MTO1: variants seen among roughly 807,000 people sequenced by gnomAD.
The protein encoded by MTO1 is 5-taurinomethyluridine-[tRNA] synthase subunit MTO1, mitochondrial.
Under a neutral mutation model 71.6 loss-of-function variants are expected in MTO1, and 46 were observed. The ratio of observed to expected loss-of-function variants is 0.64; its 90% CI spans 0.51 to 0.82. The LOEUF (loss-of-function observed/expected upper bound fraction) is 0.82, where lower values mean the gene tolerates loss of function less well. Ranked by LOEUF, MTO1 falls within the 40% of genes least tolerant of loss-of-function variation. The pLI is 0.00. For missense variants in MTO1, 773 were observed against 867.5 expected (o/e 0.89, Z 1.37); for synonymous variants, 297 against 312.1 (o/e 0.95, Z 0.51).
chr6:73,465,994 A>C (rs920721411), intron 1 of MTO1, among the ~76,000 whole-genome samples: 4 of 152,116 alleles, frequency 2.6e-5, no homozygotes, highest in Admixed American at 2.0e-4. Context: ...AAAAAAAACA[A>C]AAGGAAGTTC....
intron 7 of MTO1, chr6:73,481,061 T>C: frequency 4.6e-6 from 2 of 431,076 alleles, no homozygotes; most frequent in East Asian, 6.0e-5. Flanking sequence ...CAAGCGATCC[T>C]CCTGCCTCAG....
At chr6:73,469,818 C>T (rs1771097844) in intron 3 of MTO1, among the ~76,000 whole-genome samples, 1 of 152,016 alleles carries the variant, frequency 6.6e-6, no homozygotes, top group Admixed American at 6.6e-5. Flanking sequence ...CCAGCCTGAC[C>T]AACATGGAGA....
intron 4 of MTO1, among the ~76,000 whole-genome samples, chr6:73,477,393 C>CAA (rs34672070): frequency 3.7e-4 from 27 of 73,140 alleles, no homozygotes; most frequent in Non-Finnish European, 4.1e-4. Flanking sequence ...GACTATGTCT[C>CAA]AAAAAAAAAA....
Position 73,502,144 on chromosome 6 carries a change from G to A in MTO1, c.*1409G>A, listed in dbSNP as rs1200765856. On this transcript the variant is annotated 3_prime_UTR_variant, in exon 12 of 12. Coordinates refer to ENST00000498286, the MANE Select transcript of MTO1 (RefSeq NM_012123.4). ...AATATTAATTACAATACCACATTGTGTATATATTTTGAAAAGAGGCTGGTT... is the reference window on the plus strand; with the variant it reads ...AATATTAATTACAATACCACATTGTATATATATTTTGAAAAGAGGCTGGTT... 6.6e-6 allele frequency: 1 copy of A among 152,168 alleles called. No homozygotes were observed. Among genetic ancestry groups the A allele is most frequent in the African/African-American group, 2.4e-5 (1 of 41,440 alleles). 9.4% of individuals were successfully genotyped at this position (152,168 alleles called of 1,614,324 possible). A position where few individuals can be genotyped will look rare whatever the true frequency, so the allele number is the denominator to read the frequency against.
At chr6:73,464,857 A>G (rs1310843405) in intron 1 of MTO1, among the ~76,000 whole-genome samples, 2 of 150,064 alleles carry the variant, frequency 1.3e-5, no homozygotes, top group African/African-American at 4.9e-5. Flanking sequence ...AAAAAAAAAA[A>G]AAAACTTTTG....
chr6:73,481,445 A>G (rs1319159317), intron 7 of MTO1, among the ~76,000 whole-genome samples: 4 of 125,680 alleles, frequency 3.2e-5, no homozygotes, highest in African/African-American at 1.2e-4. Flanking sequence ...GGAAAAGGCT[A>G]GAGAAGTTTC....
chr6:73,481,786 G>A (rs1771498044), intron 7 of MTO1, among the ~76,000 whole-genome samples: 1 of 152,014 alleles, frequency 6.6e-6, no homozygotes, highest in Non-Finnish European at 1.5e-5. Context: ...AAAAAGATTA[G>A]TCCCCGCAGA....
At chr6:73,496,228 C>G (rs906482217) in intron 10 of MTO1, among the ~76,000 whole-genome samples, 14 of 152,198 alleles carry the variant, frequency 9.2e-5, no homozygotes, top group Non-Finnish European at 1.5e-4. Flanking sequence ...ACCAAAACCT[C>G]AGAGGACTCC....
In MTO1 at chr6:73,492,363, A is replaced by AT; in HGVS notation, c.1756+16dup. Reference sequence around the variant, plus strand: ...GACTGAAAATAGAAGGTAGAAAATAATTTTTGACTTAACATACCTTTATCA... The same window carrying AT: ...GACTGAAAATAGAAGGTAGAAAATAATTTTTTGACTTAACATACCTTTATCA... On this transcript the variant is annotated intron_variant, in intron 10 of 11. Coordinates refer to ENST00000498286, the MANE Select transcript of MTO1 (RefSeq NM_012123.4). 1 of 1,551,356 alleles carries AT rather than the reference A, an allele frequency of 6.4e-7. No individual in the cohort carries two copies. The highest frequency in any genetic ancestry group is 1.4e-5 in the African/African-American group (1 of 73,592).
chr6:73,495,722 T>C (rs1356867947), intron 10 of MTO1, among the ~76,000 whole-genome samples: 3 of 152,170 alleles, frequency 2.0e-5, no homozygotes, highest in Non-Finnish European at 4.4e-5. Flanking sequence ...TGAATACATA[T>C]AACATTATAC....
chr6:73,462,344 GCTACC>G, intron 1 of MTO1: 1 of 402,280 alleles, frequency 2.5e-6, no homozygotes, highest in Non-Finnish European at 4.3e-6. Flanking sequence ...GGGAAAGGGA[GCTACC>G]AACTACTCGC....
Position 73,468,877 on chromosome 6 carries a change from G to A in MTO1, c.535+2271G>A, listed in dbSNP as rs140768559. On this transcript the variant is annotated intron_variant, in intron 3 of 11. Coordinates refer to ENST00000498286, the MANE Select transcript of MTO1 (RefSeq NM_012123.4). ...CCTACCTCCACCTCCCAAAGTGCTG[G>A]TATTATAGGGGTGAGCCACCACACC... is the stretch of plus-strand genomic sequence containing the variant. Among the ~76,000 whole-genome samples, 423 of 152,166 alleles carry A rather than the reference G, an allele frequency of 2.8e-3. 3 individuals carry two copies. In the Middle Eastern group the frequency reaches 0.044, roughly 16 times the overall value.
At chr6:73,490,925 G>T (rs1199496149) in intron 9 of MTO1, among the ~76,000 whole-genome samples, 2 of 152,104 alleles carry the variant, frequency 1.3e-5, no homozygotes, top group Non-Finnish European at 2.9e-5. Context: ...GGATTAAAGT[G>T]GTCATAGGAG....
At position 73,490,269 on chromosome 6, in the gene MTO1, G is replaced by T. The variant is rs191759268; in HGVS notation, c.1638-1965G>T. 1.0e-3 allele frequency among the ~76,000 whole-genome samples: 154 copies of T among 152,262 alleles called. No homozygotes were observed. In the Middle Eastern group the frequency reaches 0.02, roughly 20 times the overall value. On this transcript the variant is annotated intron_variant, in intron 9 of 11. Transcript: ENST00000498286. ...GTTCACTCTGATGGTAGTTTCTTTT[G>T]CTGTGTATGAGCTCTTTAGTTTAAT...
At chr6:73,472,658 TTAA>T (rs1771187637) in intron 3 of MTO1, among the ~76,000 whole-genome samples, 2 of 152,264 alleles carry the variant, frequency 1.3e-5, no homozygotes, top group Admixed American at 1.3e-4. Context: ...GTAACTGCAG[TTAA>T]TAATAATGTA....
intron 9 of MTO1, among the ~76,000 whole-genome samples, chr6:73,487,390 C>T (rs982779233): frequency 1.3e-5 from 2 of 151,596 alleles, no homozygotes; most frequent in African/African-American, 4.9e-5. Context: ...TGGGGTTTCA[C>T]CATGTTGGCT....
In MTO1 at chr6:73,498,107, G is replaced by C. The variant is rs544747595; in HGVS notation, c.1917+211G>C. Among the ~76,000 whole-genome samples, 56 of 152,144 alleles carry C rather than the reference G, an allele frequency of 3.7e-4. No homozygotes were observed. The South Asian group carries it at 0.011, about 30-fold the overall frequency. On this transcript the variant is annotated intron_variant, in intron 11 of 11. Coordinates refer to ENST00000498286, the MANE Select transcript of MTO1 (RefSeq NM_012123.4). The stretch of plus-strand genomic sequence containing the variant: ...ATGCACCTGCAGCGCCAGCTACTCG[G>C]GAGGCTGAGGTGGCAGATACCTGAG...
intron 10 of MTO1, among the ~76,000 whole-genome samples, chr6:73,496,789 T>C (rs1410147451): frequency 1.3e-5 from 2 of 151,994 alleles, no homozygotes; most frequent in African/African-American, 4.8e-5. Flanking sequence ...GCATGGTGGC[T>C]CATGCCTATA....
chr6:73,498,978 T>C (rs1772078313), intron 11 of MTO1, among the ~76,000 whole-genome samples: 1 of 152,068 alleles, frequency 6.6e-6, no homozygotes, highest in Admixed American at 6.6e-5. Context: ...CTGCCCGCCT[T>C]GGCCTCCCAA....
Sources: gnomAD v4.1 joint callset for allele counts (sites outside exome capture counted in the v4.1 genomes callset) on GRCh38, gnomAD v4.1.1 for gene constraint, MANE v1.5 for transcripts, NCBI Gene and HGNC (gene_info 2026-07-23, HGNC 2026-07-21) for gene names.